JDP2: variants seen among roughly 807,000 people sequenced by gnomAD.
JDP2 encodes the protein Jun dimerization protein 2.
Under a neutral mutation model 17.1 loss-of-function variants are expected in JDP2, and 9 were observed. The observed-to-expected ratio is 0.53, with a 90% CI of 0.32 to 0.92. JDP2 has a LOEUF of 0.92. Among genes scored for constraint, JDP2 ranks in the 40% least tolerant of loss-of-function variants. The pLI is 0.04. For synonymous variants in JDP2, 107 were observed against 95.6 expected (o/e 1.12, Z -0.69); for missense variants, 179 against 220.0 (o/e 0.81, Z 1.18).
chr14:75,456,656 G>T (rs1343068210), intron 2 of JDP2, among the ~76,000 whole-genome samples: 1 of 152,040 alleles, frequency 6.6e-6, no homozygotes, highest in Non-Finnish European at 1.5e-5. Context: ...GTGGTCTCTG[G>T]TCTCTGCTCA....
intron 3 of JDP2, among the ~76,000 whole-genome samples, chr14:75,464,858 A>C (rs77303231): frequency 0.027 from 4,054 of 152,310 alleles, 166 homozygotes; most frequent in African/African-American, 0.092. Flanking sequence ...GGTCAGGAGC[A>C]GTGGCCCTGA....
At chr14:75,468,540 T>A (rs1886669467) in intron 3 of JDP2, among the ~76,000 whole-genome samples, 1 of 152,136 alleles carries the variant, frequency 6.6e-6, no homozygotes, top group Non-Finnish European at 1.5e-5. Context: ...CCTCGCCACC[T>A]CCCGAATCAA....
chr14:75,433,158 G>A (rs535070771), intron 1 of JDP2, among the ~76,000 whole-genome samples: 39 of 110,402 alleles, frequency 3.5e-4, no homozygotes, highest in African/African-American at 1.3e-3. Flanking sequence ...TTGCACCACC[G>A]CACTCCAGCC....
Position 75,438,020 on chromosome 14 carries a change from G to A in JDP2, c.100G>A (p.Glu34Lys). The stretch of plus-strand genomic sequence containing the variant: ...CCCCAGCTCGGCCCTGACTGTGGAG[G>A]AGCTGAAATACGCTGACATCCGCAA... ...GLPSSALTVE[E>K]LKYADIRNLG... The change falls in exon 2 of 4, where the codon GAG becomes AAG. Residue 34 changes from glutamate to lysine, a missense_variant. Transcript: ENST00000651602. 1.2e-6 allele frequency: 2 copies of A among 1,614,002 alleles called. No homozygotes were observed. The highest frequency in any genetic ancestry group is 2.7e-5 in the African/African-American group (2 of 75,082).
intron 2 of JDP2, among the ~76,000 whole-genome samples, chr14:75,446,056 C>T (rs1210553775): frequency 3.9e-5 from 6 of 152,072 alleles, no homozygotes; most frequent in Non-Finnish European, 5.9e-5. Flanking sequence ...TGAAAAAATG[C>T]TCAACATCAT....
intron 1 of JDP2, 42 bp from the exon 2 acceptor site, chr14:75,437,856 C>T (rs553329570): frequency 2.8e-6 from 4 of 1,443,414 alleles, no homozygotes; most frequent in African/African-American, 2.8e-5. Context: ...CCTGGAGCCC[C>T]CAACCTGGCT....
chr14:75,433,195 CAAAA>C (rs780191475), intron 1 of JDP2, among the ~76,000 whole-genome samples: 224 of 19,408 alleles, frequency 0.012, 6 homozygotes, highest in African/African-American at 0.035. Flanking sequence ...AACTCCGTCT[CAAAA>C]AAAAAAAAAA....
chr14:75,442,831 G>A (rs1310095432), intron 2 of JDP2, among the ~76,000 whole-genome samples: 1 of 152,114 alleles, frequency 6.6e-6, no homozygotes, highest in African/African-American at 2.4e-5. Flanking sequence ...AGCTACTTTT[G>A]GGAATGTGAC....
Position 75,471,014 on chromosome 14 carries a change from G to C in JDP2, c.*1539G>C, listed in dbSNP as rs575649997. 2 of 152,216 alleles carry C rather than the reference G, an allele frequency of 1.3e-5. No individual in the cohort carries two copies. The highest frequency in any genetic ancestry group is 2.9e-5 in the Non-Finnish European group (2 of 68,052). The allele number at this position is 152,216 out of a possible 1,614,324, so 9.4% of individuals were successfully genotyped here. The stretch of plus-strand genomic sequence containing the variant: ...CAGAGAAGGTAAGCGACTTATCCAA[G>C]GTAACCCAGCTAGCAAGGGATAGAG... On this transcript the variant is annotated 3_prime_UTR_variant, in exon 4 of 4. Transcript: ENST00000651602.
At position 75,472,478 on chromosome 14, in the gene JDP2, T is replaced by C. The variant is rs1886836026; in HGVS notation, c.*3003T>C. On this transcript the variant is annotated 3_prime_UTR_variant, in exon 4 of 4. Transcript: ENST00000651602. The stretch of plus-strand genomic sequence containing the variant: ...TGTGCTCACAGTACATGTTAAGAAT[T>C]CCCAAGTCTCAGGCAAACCATCTCC... 1 of 152,166 alleles carries C rather than the reference T, an allele frequency of 6.6e-6. No individual in the cohort carries two copies. The highest frequency in any genetic ancestry group is 2.4e-5 in the African/African-American group (1 of 41,424). The allele number at this position is 152,166 out of a possible 1,614,324, so 9.4% of individuals were successfully genotyped here.
At chr14:75,438,868 C>T (rs745326862) in intron 2 of JDP2, among the ~76,000 whole-genome samples, 5 of 152,264 alleles carry the variant, frequency 3.3e-5, no homozygotes, top group Non-Finnish European at 7.3e-5. Flanking sequence ...ATGCCCCCGG[C>T]GACTTGCCCA....
Position 75,430,256 on chromosome 14 carries a change from C to G in JDP2, c.-24+2004C>G, listed in dbSNP as rs1884736206. On this transcript the variant is annotated intron_variant, in intron 1 of 3. Transcript: ENST00000651602. This position sits in a 1 kb window ranked among gnomAD's most constrained non-coding sequence, Gnocchi z 4.5. ...GCAATGGGCTGTCTCTCTCGAGTGT[C>G]TGTTTCCAGCTCCACTCTGGAAAGA... 1.3e-5 allele frequency among the ~76,000 whole-genome samples: 2 copies of G among 152,302 alleles called. No individual in the cohort carries two copies. Among genetic ancestry groups the G allele is most frequent in the South Asian group, 4.2e-4 (2 of 4,816 alleles).
At chr14:75,441,153 G>A (rs759562210) in intron 2 of JDP2, among the ~76,000 whole-genome samples, 1 of 152,124 alleles carries the variant, frequency 6.6e-6, no homozygotes, top group Admixed American at 6.5e-5. Flanking sequence ...GAGAGAGAGC[G>A]AGAGAGCGAG....
At chr14:75,464,779 C>G (rs1280423063) in intron 3 of JDP2, among the ~76,000 whole-genome samples, 1 of 152,212 alleles carries the variant, frequency 6.6e-6, no homozygotes, top group Non-Finnish European at 1.5e-5. Flanking sequence ...GGGGAAGGGG[C>G]AGGCCTTGGG....
In JDP2 at chr14:75,473,475, A is replaced by G. The variant is rs1886853579; in HGVS notation, c.*4000A>G. 6.6e-6 allele frequency: 1 copy of G among 152,228 alleles called. No homozygotes were observed. The highest frequency in any genetic ancestry group is 6.5e-5 in the Admixed American group (1 of 15,284). The allele number at this position is 152,228 out of a possible 1,614,324, so 9.4% of individuals were successfully genotyped here. The stretch of plus-strand genomic sequence containing the variant: ...CCTTTGACCTAGCAGTTTTCCTCCT[A>G]GTCTTGGGAGGAACTCTAGCACAGG... On this transcript the variant is annotated 3_prime_UTR_variant, in exon 4 of 4. Coordinates refer to ENST00000651602, the MANE Select transcript of JDP2 (RefSeq NM_001135048.2).
intron 3 of JDP2, among the ~76,000 whole-genome samples, chr14:75,468,809 AT>A (rs1328470436): frequency 2.0e-5 from 3 of 152,254 alleles, no homozygotes; most frequent in Non-Finnish European, 2.9e-5. Flanking sequence ...CGGCCAAGAT[AT>A]CTCCCACATG....
intron 2 of JDP2, among the ~76,000 whole-genome samples, chr14:75,456,725 C>T (rs1378110093): frequency 6.6e-6 from 1 of 152,198 alleles, no homozygotes; most frequent in Non-Finnish European, 1.5e-5. Context: ...AAGTTGGTTG[C>T]CCGGCCCTGC....
intron 1 of JDP2, among the ~76,000 whole-genome samples, chr14:75,434,367 C>G (rs914669956): frequency 1.7e-4 from 26 of 152,048 alleles, no homozygotes; most frequent in African/African-American, 6.0e-4. Context: ...TGGTTGTCTC[C>G]TAGGAATGGC....
At position 75,430,024 on chromosome 14, in the gene JDP2, G is replaced by A. The variant is rs74624233; in HGVS notation, c.-24+1772G>A. 0.013 allele frequency among the ~76,000 whole-genome samples: 1,909 copies of A among 152,224 alleles called. 14 individuals are homozygous for A. The highest frequency in any genetic ancestry group is 0.021 in the Non-Finnish European group (1,448 of 67,970). The stretch of plus-strand genomic sequence containing the variant: ...AGATGTGTTGCAAAGTGGTGACAAT[G>A]CCCCCTAGGAAGGGTTTGGATAAGG... On this transcript the variant is annotated intron_variant, in intron 1 of 3. Transcript: ENST00000651602. This position sits in a 1 kb window ranked among gnomAD's most constrained non-coding sequence, Gnocchi z 4.5.
Sources: allele counts gnomAD v4.1 joint callset (sites outside exome capture counted in the v4.1 genomes callset), GRCh38; gene constraint gnomAD v4.1.1; non-coding constraint Gnocchi (gnomAD v3.1); transcripts MANE v1.5; gene names NCBI Gene and HGNC (gene_info 2026-07-23, HGNC 2026-07-21).